The following TIFA variants were observed in gnomAD, a reference collection of about 807,000 sequenced individuals.
TIFA encodes TRAF interacting protein with forkhead associated domain, also known as TRAF-interacting protein with FHA domain-containing protein A.
For missense variants in TIFA, 186 were observed against 215.2 expected (o/e 0.86, Z 0.85); for synonymous variants, 75 against 79.2 (o/e 0.95, Z 0.28).
rs1727138890 is a variant in TIFA, at chr4:112,277,573, T to C, written c.*289A>G. On this transcript the variant is annotated 3_prime_UTR_variant, in exon 2 of 2. Coordinates refer to ENST00000361717, the MANE Select transcript of TIFA (RefSeq NM_052864.3). Reference sequence around the variant, plus strand: ...AATCAAGCAGAAAAAGAAAATAATATAACCTTATTTTGAGAACACGACTTC... The same window carrying C: ...AATCAAGCAGAAAAAGAAAATAATACAACCTTATTTTGAGAACACGACTTC... The C allele has an allele frequency of 4.4e-6, 1 of 224,922 alleles. No homozygotes were observed. The highest frequency in any genetic ancestry group is 8.7e-6 in the Non-Finnish European group (1 of 114,712). 13.9% of individuals were successfully genotyped at this position (224,922 alleles called of 1,614,324 possible).
chr4:112,284,679 A>C (rs1727288814), intron 1 of TIFA, among the ~76,000 whole-genome samples: 1 of 151,850 alleles, frequency 6.6e-6, no homozygotes, highest in South Asian at 2.1e-4. Flanking sequence ...GCAAGTAGGA[A>C]GTTTCAAGGC....
rs1034779107 is a variant in TIFA at position 112,278,168 on chromosome 4, G to A, written c.249C>T (p.Leu83=). The A allele has an allele frequency of 3.7e-6, 6 of 1,613,816 alleles. No individual in the cohort carries two copies. Among genetic ancestry groups the A allele is most frequent in the East Asian group, 2.2e-5 (1 of 44,904 alleles). ...QLFKKFNSSV[L]SFEIKNMSKK... is the part of the protein sequence containing the mutation. ...TACTCATATTTTTTATTTCAAAGGA[G>A]AGAACTGAGCTGTTGAATTTTTTAA... The change falls in exon 2 of 2, where the codon CTC becomes CTT. Residue 83 remains leucine, a synonymous_variant. Coordinates refer to ENST00000361717, the MANE Select transcript of TIFA (RefSeq NM_052864.3).
chr4:112,279,171 G>T (rs1727177760), intron 1 of TIFA, among the ~76,000 whole-genome samples: 2 of 152,204 alleles, frequency 1.3e-5, no homozygotes, highest in Admixed American at 6.5e-5. Flanking sequence ...TCAATGACTG[G>T]ATGGACAAAC....
At chr4:112,284,894 C>A (rs1157402606) in intron 1 of TIFA, among the ~76,000 whole-genome samples, 11 of 136,470 alleles carry the variant, frequency 8.1e-5, no homozygotes, top group African/African-American at 1.1e-4. Flanking sequence ...AACAAAGAAT[C>A]AAAAAAAAAA....
chr4:112,277,672 C>A lies in TIFA; in HGVS notation c.*190G>T. On this transcript the variant is annotated 3_prime_UTR_variant, in exon 2 of 2. Coordinates refer to ENST00000361717, the MANE Select transcript of TIFA (RefSeq NM_052864.3). The stretch of plus-strand genomic sequence containing the variant: ...CAGTTAAAATAATTTTGTGTAGATC[C>A]AGAATACAACAGGTGACTAAGTTAA... The A allele has an allele frequency of 9.0e-5, 29 of 322,350 alleles. No homozygotes were observed. The highest frequency in any genetic ancestry group is 1.9e-4 in the Admixed American group (3 of 16,184). 20.0% of individuals were successfully genotyped at this position (322,350 alleles called of 1,614,324 possible).
chr4:112,282,474 C>T (rs1727244777), intron 1 of TIFA, among the ~76,000 whole-genome samples: 1 of 152,150 alleles, frequency 6.6e-6, no homozygotes, highest in Non-Finnish European at 1.5e-5. Context: ...TCCCTGTGCC[C>T]CACTTCCTAC....
intron 1 of TIFA, among the ~76,000 whole-genome samples, chr4:112,281,318 T>C (rs1224341003): frequency 6.6e-6 from 1 of 152,244 alleles, no homozygotes; most frequent in Non-Finnish European, 1.5e-5. Flanking sequence ...ATGCTTTATA[T>C]AAGCTATTAC....
At position 112,277,702 on chromosome 4, in the gene TIFA, T is replaced by TAAAAAAAAAAA; in HGVS notation, c.*159_*160insTTTTTTTTTTT. 8.2e-6 allele frequency: 5 copies of TAAAAAAAAAAA among 610,134 alleles called. No homozygotes were observed. The highest frequency in any genetic ancestry group is 1.3e-5 in the Non-Finnish European group (5 of 399,414). The allele number at this position is 610,134 out of a possible 1,614,324, so 37.8% of individuals were successfully genotyped here. ...TACAACAGGTGACTAAGTTAATGAC[T>TAAAAAAAAAAA]AACACAATTTACAGACTTCAAAATG... On this transcript the variant is annotated 3_prime_UTR_variant, in exon 2 of 2. Coordinates refer to ENST00000361717, the MANE Select transcript of TIFA (RefSeq NM_052864.3).
Position 112,275,265 on chromosome 4 carries a change from T to C in TIFA, c.*2597A>G, listed in dbSNP as rs2110503858. On this transcript the variant is annotated 3_prime_UTR_variant, in exon 2 of 2. Transcript: ENST00000361717. ...ACTGAAATCAAGAGATCAGGTCTCT[T>C]TGGGGGATCAATAACGTGTAAAACT... 6.6e-6 allele frequency: 1 copy of C among 152,172 alleles called. No homozygotes were observed. The highest frequency in any genetic ancestry group is 6.5e-5 in the Admixed American group (1 of 15,288). The allele number at this position is 152,172 out of a possible 1,614,324, so 9.4% of individuals were successfully genotyped here.
chr4:112,283,382 G>A (rs1727261127), intron 1 of TIFA, among the ~76,000 whole-genome samples: 1 of 152,166 alleles, frequency 6.6e-6, no homozygotes, highest in African/African-American at 2.4e-5. Context: ...AAGCCTGGGT[G>A]TATAAATGTT....
Position 112,282,144 on chromosome 4 carries a change from T to C in TIFA, c.-19+3496A>G, listed in dbSNP as rs1359169764. Among the ~76,000 whole-genome samples, 9 of 152,292 alleles carry C rather than the reference T, an allele frequency of 5.9e-5. No homozygotes were observed. The East Asian group carries it at 1.2e-3, about 20-fold the overall frequency. On this transcript the variant is annotated intron_variant, in intron 1 of 1. Transcript: ENST00000361717. ...TCTGATGGTTTTATAAGGGGGAGTT[T>C]CCATGCACAGGCTCTCTCTTTGCCT...
chr4:112,277,674 G>GGTAGCCGTAT lies in TIFA; in HGVS notation c.*187_*188insATACGGCTAC. ...GTTAAAATAATTTTGTGTAGATCCA[G>GGTAGCCGTAT]AATACAACAGGTGACTAAGTTAATG... On this transcript the variant is annotated 3_prime_UTR_variant, in exon 2 of 2. Transcript: ENST00000361717. 2.3e-6 allele frequency: 1 copy of GGTAGCCGTAT among 431,856 alleles called. No individual in the cohort carries two copies. The allele number at this position is 431,856 out of a possible 1,614,324, so 26.8% of individuals were successfully genotyped here.
In TIFA at chr4:112,276,767, A is replaced by C. The variant is rs973265503; in HGVS notation, c.*1095T>G. On this transcript the variant is annotated 3_prime_UTR_variant, in exon 2 of 2. Coordinates refer to ENST00000361717, the MANE Select transcript of TIFA (RefSeq NM_052864.3). ...AGCATTTTTAAAAGGCTGTTACAAAAATACGGACCTCTTACTACAGGAAAT... is the reference window on the plus strand; with the variant it reads ...AGCATTTTTAAAAGGCTGTTACAAACATACGGACCTCTTACTACAGGAAAT... 2 of 152,168 alleles carry C rather than the reference A, an allele frequency of 1.3e-5. No homozygotes were observed. The highest frequency in any genetic ancestry group is 2.4e-5 in the African/African-American group (1 of 41,448). The allele number at this position is 152,168 out of a possible 1,614,324, so 9.4% of individuals were successfully genotyped here. A position where few individuals can be genotyped will look rare whatever the true frequency, so the allele number is the denominator to read the frequency against.
rs1410393734 is a variant in TIFA, at chr4:112,277,630, TCA to T, written c.*230_*231del. 7 of 383,026 alleles carry T rather than the reference TCA, an allele frequency of 1.8e-5. No individual in the cohort carries two copies. Among genetic ancestry groups the T allele is most frequent in the African/African-American group, 1.5e-4 (7 of 48,090 alleles). The allele number at this position is 383,026 out of a possible 1,614,324, so 23.7% of individuals were successfully genotyped here. On this transcript the variant is annotated 3_prime_UTR_variant, in exon 2 of 2. Transcript: ENST00000361717. The stretch of plus-strand genomic sequence containing the variant: ...AAGGATACTTTTTGTATATTAATCC[TCA>T]CAGATTAATAAGAGCAGTTAAAATA...
At position 112,278,306 on chromosome 4, in the gene TIFA, G is replaced by C; in HGVS notation, c.111C>G (p.Asn37Lys). 2.5e-6 allele frequency: 4 copies of C among 1,614,114 alleles called. No individual in the cohort carries two copies. Among genetic ancestry groups the C allele is most frequent in the Non-Finnish European group, 3.4e-6 (4 of 1,180,000 alleles). ...QCGIFQSISF[N>K]REKLPSSEVV... The stretch of plus-strand genomic sequence containing the variant: ...CTTCGCTGGAAGGGAGTTTCTCTCT[G>C]TTAAAACTTATTGACTGAAATATTC... The change falls in exon 2 of 2, where the codon AAC becomes AAG. Residue 37 changes from asparagine (N) to lysine (K), a missense_variant. Physicochemically the swap from Asn to Lys is moderately conservative, Grantham distance 94. Transcript: ENST00000361717.
In TIFA at chr4:112,278,233, C is replaced by T. The variant is rs1340571021; in HGVS notation, c.184G>A (p.Asp62Asn). ...AACTGAACTCGGGAAACCTGTTTGT[C>T]CTGAAAAGTATAATGACAGATGTTG... ...NSNICHYTFQ[D>N]KQVSRVQFSL... Residue 62 changes from aspartate (D) to asparagine (N), a missense_variant, in exon 2 of 2, where the codon GAC becomes AAC. Physicochemically the swap from Asp to Asn is conservative, Grantham distance 23. Transcript: ENST00000361717. 1.2e-6 allele frequency: 2 copies of T among 1,613,808 alleles called. No homozygotes were observed. The highest frequency in any genetic ancestry group is 3.3e-5 in the Admixed American group (2 of 59,958).
chr4:112,280,343 CTTTTTTTT>C (rs34544244), intron 1 of TIFA, among the ~76,000 whole-genome samples: 4 of 76,756 alleles, frequency 5.2e-5, no homozygotes, highest in African/African-American at 1.6e-4. Context: ...CTGGCATTTC[CTTTTTTTT>C]TTTTTTTTTT....
chr4:112,277,697 AT>A lies in TIFA; in HGVS notation c.*164del. 1 of 570,868 alleles carries A rather than the reference AT, an allele frequency of 1.8e-6. No homozygotes were observed. 35.4% of individuals were successfully genotyped at this position (570,868 alleles called of 1,614,324 possible). On this transcript the variant is annotated 3_prime_UTR_variant, in exon 2 of 2. Transcript: ENST00000361717. Reference sequence around the variant, plus strand: ...CAGAATACAACAGGTGACTAAGTTAATGACTAACACAATTTACAGACTTCAA... The same window carrying A: ...CAGAATACAACAGGTGACTAAGTTAAGACTAACACAATTTACAGACTTCAA...
At position 112,277,972 on chromosome 4, in the gene TIFA, A is replaced by ATT; in HGVS notation, c.444_445insAA (p.Leu149AsnfsTer61). On this transcript the variant is annotated frameshift_variant, in exon 2 of 2. Coordinates refer to ENST00000361717, the MANE Select transcript of TIFA (RefSeq NM_052864.3). LOFTEE classifies it low-confidence loss of function (END_TRUNC). ...TGTGGTGGCCAGTTGTTTTCTTGCAAGAGTGATCTTGGAGATAAAATAAAT... is the reference window on the plus strand; with the variant it reads ...TGTGGTGGCCAGTTGTTTTCTTGCAATTGAGTGATCTTGGAGATAAAATAAAT... 1 of 1,614,026 alleles carries ATT rather than the reference A, an allele frequency of 6.2e-7. No individual in the cohort carries two copies. The highest frequency in any genetic ancestry group is 8.5e-7 in the Non-Finnish European group (1 of 1,179,994).
Sources: gnomAD v4.1 joint callset for allele counts (sites outside exome capture counted in the v4.1 genomes callset) on GRCh38, gnomAD v4.1.1 for gene constraint, MANE v1.5 for transcripts, NCBI Gene and HGNC (gene_info 2026-07-23, HGNC 2026-07-21) for gene names.